USP10: variants seen among roughly 807,000 people sequenced by gnomAD.
The protein encoded by USP10 is ubiquitin carboxyl-terminal hydrolase 10.
Under a neutral mutation model 84.5 loss-of-function variants are expected in USP10, and 22 were observed. The ratio of observed to expected loss-of-function variants is 0.26; its 90% CI spans 0.19 to 0.37. The LOEUF is 0.37. Ranked by LOEUF, USP10 falls within the 10% of genes least tolerant of loss-of-function variation. The pLI, the probability that USP10 is intolerant of heterozygous loss-of-function variation, is 1.00. For missense variants in USP10, 1,019 were observed against 998.9 expected (o/e 1.02, Z -0.27); for synonymous variants, 454 against 387.6 (o/e 1.17, Z -2.01).
At chr16:84,734,560 A>C (rs767605848) in intron 2 of USP10, among the ~76,000 whole-genome samples, 2 of 152,174 alleles carry the variant, frequency 1.3e-5, no homozygotes, top group Non-Finnish European at 2.9e-5. Flanking sequence ...TTTAAGCTTC[A>C]CATGTTAGGT....
chr16:84,718,242 A>G (rs115162073), intron 1 of USP10, among the ~76,000 whole-genome samples: 1 of 152,284 alleles, frequency 6.6e-6, no homozygotes, highest in African/African-American at 2.4e-5. Flanking sequence ...ACATTTCTGA[A>G]GAGTTGCTTG....
At chr16:84,767,297 G>C (rs1913968303) in intron 10 of USP10, among the ~76,000 whole-genome samples, 2 of 150,994 alleles carry the variant, frequency 1.3e-5, no homozygotes, top group African/African-American at 4.9e-5. Context: ...ATGAGAGATG[G>C]GCCGAACACA....
intron 4 of USP10, among the ~76,000 whole-genome samples, chr16:84,754,356 G>GT (rs1912274349): frequency 1.3e-5 from 2 of 152,140 alleles, no homozygotes; most frequent in South Asian, 4.1e-4. Flanking sequence ...TGTCTCTTCT[G>GT]TATTTTCCAA....
intron 1 of USP10, among the ~76,000 whole-genome samples, chr16:84,718,714 C>G (rs1907385448): frequency 6.6e-6 from 1 of 151,062 alleles, no homozygotes; most frequent in Non-Finnish European, 1.5e-5. Context: ...TGAGATTGCG[C>G]CACTGCACTC....
chr16:84,736,508 A>G (rs1909954325), intron 2 of USP10, among the ~76,000 whole-genome samples: 1 of 152,222 alleles, frequency 6.6e-6, no homozygotes, highest in Non-Finnish European at 1.5e-5. Context: ...GTTGTGCTCC[A>G]GTGATTTAAA....
At chr16:84,701,455 A>G (rs1904846084) in intron 1 of USP10, among the ~76,000 whole-genome samples, 1 of 152,164 alleles carries the variant, frequency 6.6e-6, no homozygotes, top group Non-Finnish European at 1.5e-5. Context: ...TGGTGTATTT[A>G]GCTTTGTTTA....
chr16:84,711,719 C>CTTTT (rs10706586), intron 1 of USP10, among the ~76,000 whole-genome samples: 109 of 114,266 alleles, frequency 9.5e-4, no homozygotes, highest in Admixed American at 1.4e-3. Context: ...GAAGGGCTAG[C>CTTTT]TTTTTTTTTT....
At chr16:84,759,279 TA>T in intron 5 of USP10, 83 bp from the exon 6 acceptor site, 1 of 1,309,730 alleles carries the variant, frequency 7.6e-7, no homozygotes, top group Non-Finnish European at 1.1e-6. Context: ...TGTGTTTTTA[TA>T]AACATTCTTG....
chr16:84,702,303 C>G (rs377737416), intron 1 of USP10, among the ~76,000 whole-genome samples: 1 of 151,948 alleles, frequency 6.6e-6, no homozygotes. Context: ...GTGATCCACC[C>G]GCCTCGGCCT....
chr16:84,702,421 G>A (rs1905006042), intron 1 of USP10, among the ~76,000 whole-genome samples: 1 of 152,122 alleles, frequency 6.6e-6, no homozygotes, highest in South Asian at 2.1e-4. Flanking sequence ...AATCATGTAT[G>A]ACAGGATTTA....
chr16:84,762,793 G>A (rs1484260338), intron 8 of USP10, among the ~76,000 whole-genome samples, 196 bp from the exon 9 acceptor site: 1 of 152,080 alleles, frequency 6.6e-6, no homozygotes, highest in Admixed American at 6.5e-5. Context: ...TATGTGTTTA[G>A]TCAGTTTCTC....
At chr16:84,705,301 G>C (rs1386066687) in intron 1 of USP10, among the ~76,000 whole-genome samples, 6 of 150,782 alleles carry the variant, frequency 4.0e-5, no homozygotes, top group Admixed American at 2.6e-4. Flanking sequence ...GCGGTATCTT[G>C]TCTCACTGCA....
At chr16:84,773,015 G>C (rs1225126126) in intron 12 of USP10, among the ~76,000 whole-genome samples, 1 of 152,192 alleles carries the variant, frequency 6.6e-6, no homozygotes, top group African/African-American at 2.4e-5. Context: ...ATTAACAGCT[G>C]TGTTGACTAG....
chr16:84,716,027 T>A (rs1388521434), intron 1 of USP10, among the ~76,000 whole-genome samples: 2 of 152,138 alleles, frequency 1.3e-5, no homozygotes, highest in African/African-American at 4.8e-5. Context: ...ACCAGAGCAC[T>A]GTGGCGAGGA....
chr16:84,757,481 A>C (rs2150845215), intron 4 of USP10, among the ~76,000 whole-genome samples: 1 of 150,502 alleles, frequency 6.6e-6, no homozygotes. Context: ...TCATTTGATT[A>C]GTGCCGAAGT....
At chr16:84,759,830 C>G (rs1241523749) in intron 6 of USP10, 61 bp from the exon 7 acceptor site, 1 of 1,530,402 alleles carries the variant, frequency 6.5e-7, no homozygotes. Context: ...CATCAAAGCT[C>G]TTTAGTAAAA....
intron 1 of USP10, among the ~76,000 whole-genome samples, chr16:84,703,492 C>G (rs1400769968): frequency 6.6e-6 from 1 of 152,184 alleles, no homozygotes; most frequent in Admixed American, 6.5e-5. Context: ...TAGCATATGG[C>G]TGAATGTTAC....
At chr16:84,711,203 T>C (rs1906243892) in intron 1 of USP10, among the ~76,000 whole-genome samples, 1 of 152,204 alleles carries the variant, frequency 6.6e-6, no homozygotes, top group African/African-American at 2.4e-5. Flanking sequence ...CAGTACTTGC[T>C]CTGTGCCAGG....
chr16:84,744,046 TTTGTTGTTG>T (rs141603150), intron 3 of USP10, among the ~76,000 whole-genome samples: 13 of 151,622 alleles, frequency 8.6e-5, no homozygotes, highest in East Asian at 3.9e-4. Context: ...TATAGGATTC[TTTGTTGTTG>T]TTGTTGTTGT....
Sources: gnomAD v4.1 joint callset for allele counts (sites outside exome capture counted in the v4.1 genomes callset) on GRCh38, gnomAD v4.1.1 for gene constraint, MANE v1.5 for transcripts, NCBI Gene and HGNC (gene_info 2026-07-23, HGNC 2026-07-21) for gene names.